TANC2: variants seen among roughly 807,000 people sequenced by gnomAD.
The protein encoded by TANC2 is protein TANC2.
A neutral mutation model predicts 210.5 loss-of-function variants in TANC2; 26 were observed. The ratio of observed to expected loss-of-function variants is 0.12; its 90% CI spans 0.09 to 0.17. The LOEUF is 0.17. Ranked by LOEUF, TANC2 falls within the 10% of genes least tolerant of loss-of-function variation. TANC2 has a pLI of 1.00. For missense variants in TANC2, 2,129 were observed against 2,608.9 expected (o/e 0.82, Z 4.01); for synonymous variants, 931 against 967.1 (o/e 0.96, Z 0.69).
chr17:63,374,627 T>C (rs1567964486), intron 14 of TANC2, among the ~76,000 whole-genome samples: 1 of 152,134 alleles, frequency 6.6e-6, no homozygotes, highest in Non-Finnish European at 1.5e-5. Context: ...GAAATTGTTT[T>C]TCTGATGAAC....
At chr17:63,305,936 G>A (rs551877910) in intron 9 of TANC2, among the ~76,000 whole-genome samples, 40 of 152,330 alleles carry the variant, frequency 2.6e-4, no homozygotes, top group Non-Finnish European at 3.2e-4. Context: ...GGTGTGAGGC[G>A]TGGACAGGAC....
At chr17:63,398,761 C>A in intron 18 of TANC2, 60 bp from the exon 19 acceptor site, 1 of 1,169,408 alleles carries the variant, frequency 8.6e-7, no homozygotes, top group Non-Finnish European at 1.2e-6. Flanking sequence ...ACCTCACAGG[C>A]TAGTGTCAGT....
At chr17:62,998,027 T>C (rs2033198401) in intron 1 of TANC2, among the ~76,000 whole-genome samples, 3 of 152,194 alleles carry the variant, frequency 2.0e-5, no homozygotes, top group Admixed American at 2.0e-4. Flanking sequence ...TAGGGAATAC[T>C]GTAAAATGAA....
chr17:62,984,453 A>G (rs1241578547), intron 1 of TANC2, among the ~76,000 whole-genome samples: 1 of 151,510 alleles, frequency 6.6e-6, no homozygotes, highest in Non-Finnish European at 1.5e-5. Flanking sequence ...TTTGTCTCTC[A>G]ACTTCATTTA....
chr17:63,025,478 G>A lies in TANC2; in HGVS notation c.67+15852G>A, dbSNP rs145353634. 3.9e-5 allele frequency among the ~76,000 whole-genome samples: 6 copies of A among 152,216 alleles called. No homozygotes were observed. The East Asian group carries it at 9.7e-4, about 25-fold the overall frequency. On this transcript the variant is annotated intron_variant, in intron 2 of 27. Transcript: ENST00000689528. ...AAGGCTATTGAAGAATTTCAGCAAT[G>A]AGGTGCCAAATACAGTCTTTAAATA...
chr17:63,015,424 C>T (rs1598257125), intron 2 of TANC2, among the ~76,000 whole-genome samples: 1 of 152,004 alleles, frequency 6.6e-6, no homozygotes, highest in South Asian at 2.1e-4. Context: ...CCTATTAACT[C>T]GTCATTTACA....
rs540010390 is a variant in TANC2, at chr17:63,406,919, A to G, written c.3589+642A>G. Among the ~76,000 whole-genome samples, 32 of 152,328 alleles carry G rather than the reference A, an allele frequency of 2.1e-4. 1 individual carries two copies. The highest frequency in any genetic ancestry group is 1.0e-3 in the South Asian group (5 of 4,826). On this transcript the variant is annotated intron_variant, in intron 21 of 27. Coordinates refer to ENST00000689528, the Ensembl canonical transcript of TANC2. ...AAAAGCTCATCACTGGTGACTCTGC[A>G]GTGCCATCTAGTGGAGCTTGAGCAT...
chr17:63,099,217 A>G (rs768584624), exon 4 of TANC2: 4 of 1,600,620 alleles, frequency 2.5e-6, no homozygotes, highest in African/African-American at 1.3e-5. Flanking sequence ...GAGCCAGACT[A>G]CGCTGTCCCG....
intron 26 of TANC2, among the ~76,000 whole-genome samples, 176 bp downstream of exon 26, chr17:63,415,850 A>G (rs1041789727): frequency 6.6e-6 from 1 of 152,184 alleles, no homozygotes; most frequent in African/African-American, 2.4e-5. Flanking sequence ...TACAATCTGT[A>G]TCTCAAACTG....
At chr17:63,151,245 GCT>G (rs778087750) in intron 4 of TANC2, 23 bp from the exon 5 acceptor site, 28 of 923,004 alleles carry the variant, frequency 3.0e-5, no homozygotes, top group Non-Finnish European at 3.6e-5. Context: ...TCTCTTGCTT[GCT>G]CTCTCTCTCT....
chr17:63,212,968 A>G (rs1232011954), intron 7 of TANC2, among the ~76,000 whole-genome samples: 1 of 152,232 alleles, frequency 6.6e-6, no homozygotes, highest in African/African-American at 2.4e-5. Flanking sequence ...ATATCTGCTA[A>G]CACTTATGTT....
intron 2 of TANC2, among the ~76,000 whole-genome samples, chr17:63,062,517 C>CA (rs1309357171): frequency 1.3e-5 from 2 of 152,180 alleles, no homozygotes; most frequent in Non-Finnish European, 2.9e-5. Context: ...CCCATGTACT[C>CA]ATTTGTTCTT....
chr17:63,246,481 T>G (rs1386979103), intron 8 of TANC2, among the ~76,000 whole-genome samples: 1 of 152,068 alleles, frequency 6.6e-6, no homozygotes, highest in Non-Finnish European at 1.5e-5. Context: ...TTAATCCCAT[T>G]CCCTCTCCCA....
At chr17:63,166,736 C>T (rs985605797) in intron 5 of TANC2, among the ~76,000 whole-genome samples, 2 of 152,098 alleles carry the variant, frequency 1.3e-5, no homozygotes, top group African/African-American at 4.8e-5. Flanking sequence ...ACCACTTCTA[C>T]CCATAACAGT....
intron 4 of TANC2, among the ~76,000 whole-genome samples, chr17:63,134,362 T>G (rs2039019160): frequency 6.6e-6 from 1 of 152,198 alleles, no homozygotes; most frequent in Non-Finnish European, 1.5e-5. Flanking sequence ...CAAGGCACTA[T>G]GCTAATTTTA....
chr17:62,973,030 ATT>A (rs113343539), intron 1 of TANC2, among the ~76,000 whole-genome samples: 305 of 132,610 alleles, frequency 2.3e-3, no homozygotes, highest in African/African-American at 6.1e-3. Context: ...TAGTTGCCGC[ATT>A]TTTTTTTTTT....
intron 14 of TANC2, among the ~76,000 whole-genome samples, chr17:63,360,628 G>A (rs918485895): frequency 6.6e-6 from 1 of 152,116 alleles, no homozygotes; most frequent in African/African-American, 2.4e-5. Context: ...TATCCTTTGT[G>A]TTTCACACAA....
chr17:63,114,498 A>C (rs1210060740), intron 4 of TANC2, among the ~76,000 whole-genome samples: 1 of 152,210 alleles, frequency 6.6e-6, no homozygotes, highest in Non-Finnish European at 1.5e-5. Flanking sequence ...CTACTGCTGC[A>C]GATTGAAGTC....
chr17:63,332,108 A>G (rs533677375), intron 11 of TANC2: 14 of 351,966 alleles, frequency 4.0e-5, no homozygotes, highest in Non-Finnish European at 6.7e-5. Context: ...CCGAGGTACC[A>G]CAGGAGAATT....
Sources: gnomAD v4.1 joint callset for allele counts (sites outside exome capture counted in the v4.1 genomes callset) on GRCh38, gnomAD v4.1.1 for gene constraint, MANE v1.5 for transcripts, NCBI Gene and HGNC (gene_info 2026-07-23, HGNC 2026-07-21) for gene names.